FBXL20: variants seen among roughly 807,000 people sequenced by gnomAD.
FBXL20 encodes F-box/LRR-repeat protein 20.
In FBXL20, 11 loss-of-function variants were observed where a neutral mutation model predicts 64.0. That is an observed-to-expected ratio of 0.17 (90% CI 0.11 to 0.28). FBXL20 has a LOEUF of 0.28. FBXL20 is among the 10% of genes least tolerant of loss of function. FBXL20 has a pLI of 1.00. For synonymous variants in FBXL20, 184 were observed against 189.0 expected, an observed-to-expected ratio of 0.97 and a Z score of 0.22; for missense variants, 303 against 526.2, an observed-to-expected ratio of 0.58 and a Z score of 4.15.
At chr17:39,328,675 C>T (rs917768731) in intron 2 of FBXL20, among the ~76,000 whole-genome samples, 1 of 152,190 alleles carries the variant, frequency 6.6e-6, no homozygotes, top group African/African-American at 2.4e-5. Context: ...TAGAAAATCA[C>T]AATCATATTG....
chr17:39,372,809 G>C (rs1597827089), intron 1 of FBXL20, among the ~76,000 whole-genome samples: 1 of 151,648 alleles, frequency 6.6e-6, no homozygotes, highest in South Asian at 2.1e-4. Context: ...GTATTTAGTA[G>C]AGATGGGGTT....
intron 1 of FBXL20, among the ~76,000 whole-genome samples, chr17:39,344,116 C>A (rs1019512305): frequency 4.6e-5 from 7 of 152,108 alleles, no homozygotes; most frequent in Admixed American, 4.6e-4. Flanking sequence ...CCCGCCTTGG[C>A]CTCCCAAAGT....
intron 6 of FBXL20, among the ~76,000 whole-genome samples, chr17:39,289,906 C>T (rs916024609): frequency 1.4e-5 from 2 of 141,040 alleles, no homozygotes. Flanking sequence ...AGCTGAGGCA[C>T]GAGAATTACT....
intron 9 of FBXL20, among the ~76,000 whole-genome samples, chr17:39,276,786 C>T (rs2046900262): frequency 6.6e-6 from 1 of 152,080 alleles, no homozygotes; most frequent in Non-Finnish European, 1.5e-5. Flanking sequence ...CACCTCACAT[C>T]AAAGATGTTA....
chr17:39,282,952 C>T lies in FBXL20; in HGVS notation c.495-97G>A, dbSNP rs537471448. ...TGGCTATTTAGTAAAGGAATGGAAA[C>T]ATTCCCATTTTTTCCCACAAGAAAA... On this transcript the variant is annotated intron_variant, in intron 7 of 14. Transcript: ENST00000264658. 1.4e-5 allele frequency: 20 copies of T among 1,422,448 alleles called. No homozygotes were observed. In the South Asian group the frequency reaches 2.4e-4, roughly 17 times the overall value. The allele number at this position is 1,422,448 out of a possible 1,614,324, so 88.1% of individuals were successfully genotyped here. A position where few individuals can be genotyped will look rare whatever the true frequency, so the allele number is the denominator to read the frequency against.
At chr17:39,355,577 C>T (rs1002770850) in intron 1 of FBXL20, among the ~76,000 whole-genome samples, 1 of 150,956 alleles carries the variant, frequency 6.6e-6, no homozygotes, top group Non-Finnish European at 1.5e-5. Context: ...ACTCCTGGGC[C>T]GGGCGCGGTG....
At chr17:39,381,686 G>A (rs1328530060) in intron 1 of FBXL20, among the ~76,000 whole-genome samples, 1 of 151,670 alleles carries the variant, frequency 6.6e-6, no homozygotes. Flanking sequence ...AGCTACTCAG[G>A]GGGCTGAGGT....
intron 2 of FBXL20, among the ~76,000 whole-genome samples, chr17:39,306,420 T>C (rs548186692): frequency 1.3e-5 from 2 of 152,314 alleles, no homozygotes; most frequent in African/African-American, 4.8e-5. Context: ...CTAAACTCAA[T>C]GTCATGAAGT....
chr17:39,356,316 C>G lies in FBXL20; in HGVS notation c.43-13075G>C, dbSNP rs73291346. On this transcript the variant is annotated intron_variant, in intron 1 of 14. Transcript: ENST00000264658. The stretch of plus-strand genomic sequence containing the variant: ...TCATATGTGGTATGAGGTGAGAGCA[C>G]AACTTCATCTGTCTGCATGCAGATA... Among the ~76,000 whole-genome samples, 936 of 151,804 alleles carry G rather than the reference C, an allele frequency of 6.2e-3. 9 individuals are homozygous for G. Among genetic ancestry groups the G allele is most frequent in the African/African-American group, 0.021 (885 of 41,380 alleles).
chr17:39,331,129 CAG>C (rs1392721679), intron 2 of FBXL20, among the ~76,000 whole-genome samples: 4 of 152,184 alleles, frequency 2.6e-5, no homozygotes, highest in South Asian at 2.1e-4. Flanking sequence ...TTTGTTAAGA[CAG>C]AGTCTCGCTC....
At chr17:39,268,785 G>GTCTA in intron 12 of FBXL20, 42 bp downstream of exon 12, 1 of 1,537,158 alleles carries the variant, frequency 6.5e-7, no homozygotes, top group South Asian at 1.1e-5. Flanking sequence ...TTATCTAAGT[G>GTCTA]TCTACTATAC....
chr17:39,264,403 G>A lies in FBXL20; in HGVS notation c.991-16C>T, dbSNP rs1293562981. The A allele has an allele frequency of 6.2e-6, 10 of 1,607,172 alleles. No homozygotes were observed. In the East Asian group the frequency reaches 1.8e-4, roughly 29 times the overall value. ...GAGACAGACTCTGCAGCCAAATAGA[G>A]CAAGGAAGGATGTTGAAATATCTTC... is the stretch of plus-strand genomic sequence containing the variant. On this transcript the variant is annotated splice_polypyrimidine_tract_variant and intron_variant, in intron 13 of 14. Transcript: ENST00000264658.
rs144072942 is a variant in FBXL20 at position 39,303,331 on chromosome 17, G to A, written c.159+254C>T. On this transcript the variant is annotated intron_variant, in intron 3 of 14. Coordinates refer to ENST00000264658, the MANE Select transcript of FBXL20 (RefSeq NM_032875.3). ...TCAAGTCTAAACTTTTAATATGCAT[G>A]TTTATTGCTTTTTCATCGAAAATGT... is the stretch of plus-strand genomic sequence containing the variant. Among the ~76,000 whole-genome samples the A allele has an allele frequency of 9.2e-3, 1,393 of 152,002 alleles. 6 individuals are homozygous for A. The highest frequency in any genetic ancestry group is 0.014 in the Middle Eastern group (4 of 290).
chr17:39,319,634 G>A (rs576685629), intron 2 of FBXL20, among the ~76,000 whole-genome samples: 47 of 112,946 alleles, frequency 4.2e-4, no homozygotes, highest in Admixed American at 4.1e-4. Flanking sequence ...GCAGTAAGCC[G>A]AAAGCATCTG....
intron 1 of FBXL20, among the ~76,000 whole-genome samples, chr17:39,354,414 G>A (rs762463280): frequency 1.3e-5 from 2 of 152,030 alleles, no homozygotes; most frequent in African/African-American, 2.4e-5. Flanking sequence ...TCTCAATCTC[G>A]TTAACTGGAT....
In FBXL20 at chr17:39,401,518, C is replaced by T. The variant is rs2048244768; in HGVS notation, c.-116G>A. 2.0e-6 allele frequency: 3 copies of T among 1,467,260 alleles called. No individual in the cohort carries two copies. The African/African-American group carries it at 4.4e-5, about 21-fold the overall frequency. The allele number at this position is 1,467,260 out of a possible 1,614,324, so 90.9% of individuals were successfully genotyped here. ...GGACTGGGCGCCGGAGGGGTGACGCCGGGACCGTGGGACGGGAACAAGAGA... is the reference window on the plus strand; with the variant it reads ...GGACTGGGCGCCGGAGGGGTGACGCTGGGACCGTGGGACGGGAACAAGAGA... On this transcript the variant is annotated 5_prime_UTR_variant, in exon 1 of 15. Transcript: ENST00000264658.
intron 1 of FBXL20, among the ~76,000 whole-genome samples, chr17:39,350,482 CCTT>C (rs1042382476): frequency 2.7e-5 from 4 of 150,274 alleles, no homozygotes; most frequent in African/African-American, 9.8e-5. Context: ...GAGCTAGACT[CCTT>C]CTCGAAAACA....
intron 1 of FBXL20, among the ~76,000 whole-genome samples, chr17:39,359,477 G>C (rs2047773802): frequency 6.6e-6 from 1 of 152,064 alleles, no homozygotes; most frequent in Non-Finnish European, 1.5e-5. Context: ...ACAAAAATTA[G>C]CCAGGCGTGG....
At chr17:39,391,940 G>A (rs1468419079) in intron 1 of FBXL20, among the ~76,000 whole-genome samples, 3 of 150,664 alleles carry the variant, frequency 2.0e-5, no homozygotes, top group African/African-American at 4.9e-5. Flanking sequence ...CCAGGAGTTC[G>A]AGACCAGTCT....
Sources: allele counts gnomAD v4.1 joint callset (sites outside exome capture counted in the v4.1 genomes callset), GRCh38; gene constraint gnomAD v4.1.1; transcripts MANE v1.5; gene names NCBI Gene and HGNC (gene_info 2026-07-23, HGNC 2026-07-21).